Variants in ZNF607 observed in about 807,000 individuals in gnomAD.
ZNF607 encodes the protein zinc finger protein 607.
In ZNF607, 5 loss-of-function variants were observed where a neutral mutation model predicts 12.8. The ratio of observed to expected loss-of-function variants is 0.39; its 90% confidence interval spans 0.20 to 0.82. The LOEUF (loss-of-function observed/expected upper bound fraction) is 0.82. Ranked by LOEUF, ZNF607 falls within the 40% of genes least tolerant of loss-of-function variation. ZNF607 has a pLI of 0.39. For synonymous variants in ZNF607, 287 were observed against 276.2 expected, an observed-to-expected ratio of 1.04 and a Z score of -0.39; for missense variants, 851 against 859.2, an observed-to-expected ratio of 0.99 and a Z score of 0.12.
intron 1 of ZNF607, among the ~76,000 whole-genome samples, chr19:37,718,524 G>C (rs1430643843): frequency 2.0e-5 from 3 of 152,080 alleles, no homozygotes; most frequent in Non-Finnish European, 4.4e-5. Flanking sequence ...CCGGGAGGTG[G>C]GGGCGGAGTA....
chr19:37,719,320 C>CG lies in ZNF607; in HGVS notation c.-127dup, dbSNP rs1327508542. On this transcript the variant is annotated 5_prime_UTR_variant, in exon 1 of 5. Coordinates refer to ENST00000355202, the MANE Select transcript of ZNF607 (RefSeq NM_032689.5). ...CGTCACACAGGCAAGCCGGTCCTGTCGCCGCTGCGCGGTCTCTCACGCTCC... is the reference window on the plus strand; with the variant it reads ...CGTCACACAGGCAAGCCGGTCCTGTCGGCCGCTGCGCGGTCTCTCACGCTCC... 24 of 153,742 alleles carry CG rather than the reference C, an allele frequency of 1.6e-4. No individual in the cohort carries two copies. The highest frequency in any genetic ancestry group is 5.3e-4 in the African/African-American group (22 of 41,612). The allele number at this position is 153,742 out of a possible 1,614,324, so 9.5% of individuals were successfully genotyped here. A position where few individuals can be genotyped will look rare whatever the true frequency, so the allele number is the denominator to read the frequency against.
intron 4 of ZNF607, among the ~76,000 whole-genome samples, chr19:37,703,768 A>T (rs771803676): frequency 5.9e-5 from 9 of 152,214 alleles, no homozygotes; most frequent in Non-Finnish European, 1.0e-4. Flanking sequence ...ACACTTATGC[A>T]CCTGATAACA....
chr19:37,707,854 C>T (rs2045098547), intron 4 of ZNF607, 60 bp downstream of exon 4: 2 of 1,304,110 alleles, frequency 1.5e-6, no homozygotes, highest in South Asian at 2.5e-5. Flanking sequence ...AATGAGATGA[C>T]CACTTCCACG....
chr19:37,703,939 A>C (rs754311901), intron 4 of ZNF607, among the ~76,000 whole-genome samples: 4 of 152,178 alleles, frequency 2.6e-5, no homozygotes, highest in Non-Finnish European at 5.9e-5. Flanking sequence ...GATCGAGACT[A>C]GCCTGGCCAA....
rs184390615 is a variant in ZNF607, at chr19:37,701,844, T to A, written c.236-1949A>T. On this transcript the variant is annotated intron_variant, in intron 4 of 4. Transcript: ENST00000355202. Reference sequence around the variant, plus strand: ...GCTTAGAAAAACACACTGGAAATGATGGACAACATAGGAGATATAACCATG... The same window carrying A: ...GCTTAGAAAAACACACTGGAAATGAAGGACAACATAGGAGATATAACCATG... Among the ~76,000 whole-genome samples the A allele has an allele frequency of 2.0e-3, 299 of 152,154 alleles. 5 individuals carry two copies. Among genetic ancestry groups the A allele is most frequent in the Admixed American group, 0.019 (286 of 15,278 alleles).
intron 4 of ZNF607, among the ~76,000 whole-genome samples, chr19:37,701,601 C>T (rs879832018): frequency 2.6e-5 from 4 of 152,182 alleles, no homozygotes; most frequent in Non-Finnish European, 4.4e-5. Context: ...CAAATGTGTG[C>T]CCACCATTGC....
intron 1 of ZNF607, among the ~76,000 whole-genome samples, chr19:37,713,639 C>G (rs1346897749): frequency 6.6e-6 from 1 of 151,854 alleles, no homozygotes; most frequent in Non-Finnish European, 1.5e-5. Flanking sequence ...GGGGTTATCA[C>G]CATGTTGGCC....
At chr19:37,715,982 C>T (rs1259378897) in intron 1 of ZNF607, among the ~76,000 whole-genome samples, 1 of 152,140 alleles carries the variant, frequency 6.6e-6, no homozygotes, top group Non-Finnish European at 1.5e-5. Flanking sequence ...AGTTTTAAAT[C>T]GCATTTTTAA....
chr19:37,710,415 G>C (rs1457877744), intron 2 of ZNF607, among the ~76,000 whole-genome samples: 1 of 148,732 alleles, frequency 6.7e-6, no homozygotes, highest in Non-Finnish European at 1.5e-5. Flanking sequence ...GCAGTGACCT[G>C]AGAATGCTCC....
intron 1 of ZNF607, among the ~76,000 whole-genome samples, chr19:37,712,113 T>C (rs544429720): frequency 5.9e-4 from 90 of 152,260 alleles, no homozygotes; most frequent in Non-Finnish European, 1.1e-3. Flanking sequence ...GGTCAAGATA[T>C]TGGAGACAGA....
At position 37,711,464 on chromosome 19, in the gene ZNF607, A is replaced by G. The variant is rs868325783; in HGVS notation, c.9+146T>C. The G allele has an allele frequency of 4.6e-5, 37 of 799,154 alleles. No homozygotes were observed. In the Middle Eastern group the frequency reaches 2.4e-3, roughly 53 times the overall value. The allele number at this position is 799,154 out of a possible 1,614,324, so 49.5% of individuals were successfully genotyped here. A position where few individuals can be genotyped will look rare whatever the true frequency, so the allele number is the denominator to read the frequency against. On this transcript the variant is annotated intron_variant, in intron 2 of 4. Transcript: ENST00000355202. ...TAGCGAGGATGCTGGGTGATGTGGT[A>G]CATATTTTACTGGAAGAATGAGAAC...
Position 37,697,277 on chromosome 19 carries a change from G to C in ZNF607, c.*763C>G. On this transcript the variant is annotated 3_prime_UTR_variant, in exon 5 of 5. Transcript: ENST00000355202. ...CTACCACAATGTTCTGTACTCCACG[G>C]AATTGGTCAAAGATGGCAGCTCTGT... 1 of 830,770 alleles carries C rather than the reference G, an allele frequency of 1.2e-6. No individual in the cohort carries two copies. The highest frequency in any genetic ancestry group is 1.3e-5 in the South Asian group (1 of 74,908). 51.5% of individuals were successfully genotyped at this position (830,770 alleles called of 1,614,324 possible).
intron 3 of ZNF607, among the ~76,000 whole-genome samples, chr19:37,708,705 T>C (rs1336693723): frequency 1.3e-5 from 2 of 151,648 alleles, no homozygotes; most frequent in Non-Finnish European, 2.9e-5. Flanking sequence ...AAATTATCTG[T>C]AGGTGTGGTG....
At chr19:37,701,189 A>C (rs1012299726) in intron 4 of ZNF607, among the ~76,000 whole-genome samples, 1 of 152,202 alleles carries the variant, frequency 6.6e-6, no homozygotes, top group African/African-American at 2.4e-5. Context: ...AAATATAATT[A>C]AAAAAAGAAA....
In ZNF607 at chr19:37,699,471, A is replaced by G. The variant is rs776477357; in HGVS notation, c.660T>C (p.Tyr220=). The G allele has an allele frequency of 6.2e-7, 1 of 1,614,006 alleles. No homozygotes were observed. Among genetic ancestry groups the G allele is most frequent in the Non-Finnish European group, 8.5e-7 (1 of 1,179,908 alleles). Residue 220 remains tyrosine, a synonymous_variant, in exon 5 of 5, where the codon TAT becomes TAC. Coordinates refer to ENST00000355202, the MANE Select transcript of ZNF607 (RefSeq NM_032689.5). The stretch of plus-strand genomic sequence containing the variant: ...CCTTACATTCGTAGGGTTTCTCACC[A>G]TAATGAAATCTATGATGTACAGTAA... ...RQLTVHHRFH[Y]GEKPYECKEC...
In ZNF607 at chr19:37,709,745, G is replaced by T. The variant is rs763220708; in HGVS notation, c.87C>A (p.Thr29=). The T allele has an allele frequency of 6.2e-7, 1 of 1,614,044 alleles. No individual in the cohort carries two copies. The highest frequency in any genetic ancestry group is 1.1e-5 in the South Asian group (1 of 91,078). Residue 29 remains threonine, a synonymous_variant, in exon 3 of 5, where the codon ACC becomes ACA. Transcript: ENST00000355202. The part of the protein sequence containing the change: ...EWEYLSLVQK[T]LYQEVMMENY... ...TCTCCATCATCACCTCCTGGTACAA[G>T]GTCTTCTGAACCAGGCTGAGATATT... is the stretch of plus-strand genomic sequence containing the variant.
chr19:37,706,324 AG>A (rs1256265058), intron 4 of ZNF607: 2 of 152,576 alleles, frequency 1.3e-5, no homozygotes, highest in African/African-American at 4.8e-5. Flanking sequence ...AAGAAAAGAA[AG>A]AAGAAAGAAA....
chr19:37,714,937 C>T (rs1053240750), intron 1 of ZNF607, among the ~76,000 whole-genome samples: 1 of 151,954 alleles, frequency 6.6e-6, no homozygotes, highest in Non-Finnish European at 1.5e-5. Context: ...AATGGAGTCG[C>T]GTTCTGTCGC....
At chr19:37,710,974 A>G (rs1249016138) in intron 2 of ZNF607, among the ~76,000 whole-genome samples, 1 of 152,250 alleles carries the variant, frequency 6.6e-6, no homozygotes, top group Non-Finnish European at 1.5e-5. Context: ...AATTTCTTCA[A>G]GCATCAAGTA....
Sources: allele counts gnomAD v4.1 joint callset (sites outside exome capture counted in the v4.1 genomes callset), GRCh38; gene constraint gnomAD v4.1.1; transcripts MANE v1.5; gene names NCBI Gene and HGNC (gene_info 2026-07-23, HGNC 2026-07-21).